Variants in FUBP3 observed in about 807,000 individuals in gnomAD.
FUBP3 encodes far upstream element binding protein 3.
Under a neutral mutation model 85.6 loss-of-function variants are expected in FUBP3, and 28 were observed. The ratio of observed to expected loss-of-function variants is 0.33; its 90% CI spans 0.24 to 0.45. The LOEUF is 0.45. FUBP3 is among the 20% of genes least tolerant of loss of function. The pLI is 1.00. For synonymous variants in FUBP3, 271 were observed against 271.4 expected, an observed-to-expected ratio of 1.00 and a Z score of 0.01; for missense variants, 583 against 755.1, an observed-to-expected ratio of 0.77 and a Z score of 2.67.
At chr9:130,593,931 A>G (rs556696686) in intron 1 of FUBP3, among the ~76,000 whole-genome samples, 2 of 152,348 alleles carry the variant, frequency 1.3e-5, no homozygotes, top group South Asian at 4.1e-4. Context: ...GGAAATTTTT[A>G]ACAGCTATGT....
chr9:130,635,297 C>T lies in FUBP3; in HGVS notation c.1582+559C>T, dbSNP rs776300820. Among the ~76,000 whole-genome samples, 9 of 152,184 alleles carry T rather than the reference C, an allele frequency of 5.9e-5. No homozygotes were observed. Among genetic ancestry groups the T allele is most frequent in the Non-Finnish European group, 1.2e-4 (8 of 68,040 alleles). ...GAGGGACCCAACAAGCAAAAGGTCTCTGGGGAGTCACATAAAATCAGGACC... is the reference window on the plus strand; with the variant it reads ...GAGGGACCCAACAAGCAAAAGGTCTTTGGGGAGTCACATAAAATCAGGACC... On this transcript the variant is annotated intron_variant, in intron 17 of 18. Coordinates refer to ENST00000319725, the MANE Select transcript of FUBP3 (RefSeq NM_003934.2). The surrounding 1 kb of genome is among the most constrained non-coding windows in gnomAD (Gnocchi z 4.3).
At chr9:130,632,971 GT>G (rs755700541) in intron 16 of FUBP3, among the ~76,000 whole-genome samples, 168 of 152,352 alleles carry the variant, frequency 1.1e-3, no homozygotes, top group Non-Finnish European at 1.9e-3. Flanking sequence ...TCTGTCCTGT[GT>G]TTAGAAAGGC....
At position 130,635,335 on chromosome 9, in the gene FUBP3, T is replaced by A. The variant is rs1307787447; in HGVS notation, c.1582+597T>A. Among the ~76,000 whole-genome samples, 3 of 152,188 alleles carry A rather than the reference T, an allele frequency of 2.0e-5. No homozygotes were observed. Among genetic ancestry groups the A allele is most frequent in the African/African-American group, 7.2e-5 (3 of 41,434 alleles). ...TAAAATCAGGACCAGACTCTCGGGATATATCCCACGATTACTAGACCGGAG... is the reference window on the plus strand; with the variant it reads ...TAAAATCAGGACCAGACTCTCGGGAAATATCCCACGATTACTAGACCGGAG... On this transcript the variant is annotated intron_variant, in intron 17 of 18. Transcript: ENST00000319725. The surrounding 1 kb of genome is among the most constrained non-coding windows in gnomAD (Gnocchi z 4.3).
chr9:130,591,295 T>C (rs1161710394), intron 1 of FUBP3, among the ~76,000 whole-genome samples: 1 of 151,972 alleles, frequency 6.6e-6, no homozygotes, highest in African/African-American at 2.4e-5. Context: ...ATACAAAAAT[T>C]ATCCAGGCAT....
intron 2 of FUBP3, 107 bp from the exon 3 acceptor site, chr9:130,609,847 T>C (rs1177109674): frequency 6.0e-6 from 5 of 834,364 alleles, no homozygotes; most frequent in Admixed American, 3.8e-5. Flanking sequence ...TTGCTTTCTT[T>C]CTGCCTTTCT....
intron 1 of FUBP3, among the ~76,000 whole-genome samples, chr9:130,593,019 C>A (rs778625731): frequency 6.6e-6 from 1 of 151,948 alleles, no homozygotes; most frequent in Non-Finnish European, 1.5e-5. Flanking sequence ...AGATTGACTT[C>A]TTTTCCAGGC....
chr9:130,586,337 T>G (rs1395113840), intron 1 of FUBP3, among the ~76,000 whole-genome samples: 1 of 152,242 alleles, frequency 6.6e-6, no homozygotes, highest in Non-Finnish European at 1.5e-5. Flanking sequence ...GGTTTTATCT[T>G]ATTGCGGAAT....
chr9:130,630,712 A>T lies in FUBP3; in HGVS notation c.1202A>T (p.Asn401Ile). The stretch of plus-strand genomic sequence containing the variant: ...AACCCCCCTCCCAACAGCGACCCCA[A>T]CCTGCGGAGATTCACCATCAGGGGG... ...QRNPPPNSDPNLRRFTIRGVP... is the reference protein window; with the variant it reads ...QRNPPPNSDPILRRFTIRGVP... Residue 401 changes from asparagine (N) to isoleucine (I), a missense_variant, in exon 13 of 19, where the codon AAC (asparagine) becomes ATC (isoleucine). Physicochemically the swap from Asn to Ile is moderately radical, Grantham distance 149. Transcript: ENST00000319725. 6.3e-7 allele frequency: 1 copy of T among 1,588,906 alleles called. No individual in the cohort carries two copies. Among genetic ancestry groups the T allele is most frequent in the Non-Finnish European group, 8.6e-7 (1 of 1,169,280 alleles).
At chr9:130,606,666 C>T (rs1230646032) in intron 2 of FUBP3, among the ~76,000 whole-genome samples, 1 of 151,954 alleles carries the variant, frequency 6.6e-6, no homozygotes, top group Non-Finnish European at 1.5e-5. Flanking sequence ...ACTAAAAATA[C>T]AAAATTAGCC....
chr9:130,637,289 C>T lies in FUBP3; in HGVS notation c.*267C>T, dbSNP rs1184710942. The T allele has an allele frequency of 8.1e-6, 4 of 495,196 alleles. No homozygotes were observed. Among genetic ancestry groups the T allele is most frequent in the African/African-American group, 5.8e-5 (3 of 51,650 alleles). The allele number at this position is 495,196 out of a possible 1,614,324, so 30.7% of individuals were successfully genotyped here. ...GAGCAATACCTACAAAGTCAGGCAC[C>T]AGAATGTGCCTCAGAGCTGTGACAT... On this transcript the variant is annotated 3_prime_UTR_variant, in exon 19 of 19. Coordinates refer to ENST00000319725, the MANE Select transcript of FUBP3 (RefSeq NM_003934.2).
chr9:130,624,216 A>T (rs185709602), intron 11 of FUBP3, among the ~76,000 whole-genome samples: 72 of 152,344 alleles, frequency 4.7e-4, no homozygotes, highest in Non-Finnish European at 9.7e-4. Flanking sequence ...GAACGGAAGA[A>T]TAAAGCAAGA....
intron 12 of FUBP3, among the ~76,000 whole-genome samples, chr9:130,627,280 G>A (rs371816821): frequency 7.2e-5 from 11 of 152,364 alleles, no homozygotes; most frequent in South Asian, 2.1e-4. Context: ...GCCAGGCCTC[G>A]CTGCCAGCGG....
intron 2 of FUBP3, among the ~76,000 whole-genome samples, chr9:130,598,276 C>G (rs969358243): frequency 3.3e-5 from 5 of 152,182 alleles, no homozygotes; most frequent in African/African-American, 4.8e-5. Context: ...TTAGGTATTC[C>G]TTATGCAGAG....
chr9:130,585,510 C>T (rs1016465662), intron 1 of FUBP3, among the ~76,000 whole-genome samples: 1 of 152,176 alleles, frequency 6.6e-6, no homozygotes, highest in African/African-American at 2.4e-5. Flanking sequence ...AGCATTTGAT[C>T]TATAGGCTGT....
At chr9:130,633,810 C>T (rs1481465071) in intron 16 of FUBP3, among the ~76,000 whole-genome samples, 1 of 152,226 alleles carries the variant, frequency 6.6e-6, no homozygotes, top group African/African-American at 2.4e-5. Flanking sequence ...CCCCACGCTG[C>T]TCCTCAGTAT....
intron 9 of FUBP3, among the ~76,000 whole-genome samples, chr9:130,622,359 C>T (rs571875075): frequency 2.1e-5 from 3 of 142,892 alleles, no homozygotes; most frequent in African/African-American, 7.9e-5. Context: ...TGGCCAGACA[C>T]AGTGGCTCAC....
chr9:130,595,910 T>C (rs761370021), intron 2 of FUBP3, among the ~76,000 whole-genome samples: 1 of 152,208 alleles, frequency 6.6e-6, no homozygotes, highest in Non-Finnish European at 1.5e-5. Flanking sequence ...GGAATTGAAG[T>C]TCCCACTTTC....
intron 6 of FUBP3, among the ~76,000 whole-genome samples, chr9:130,615,011 C>T (rs544498147): frequency 5.3e-5 from 8 of 152,290 alleles, no homozygotes; most frequent in African/African-American, 1.9e-4. Flanking sequence ...TACGGAGCAG[C>T]ACTGCATTTG....
At chr9:130,617,664 A>G (rs1297217096) in intron 7 of FUBP3, 133 bp from the exon 8 acceptor site, 1 of 717,970 alleles carries the variant, frequency 1.4e-6, no homozygotes, top group South Asian at 1.5e-5. Context: ...TTCATGGCCC[A>G]GGTTGGAAGG....
Sources: allele counts gnomAD v4.1 joint callset (sites outside exome capture counted in the v4.1 genomes callset), GRCh38; gene constraint gnomAD v4.1.1; non-coding constraint Gnocchi (gnomAD v3.1); transcripts MANE v1.5; gene names NCBI Gene and HGNC (gene_info 2026-07-23, HGNC 2026-07-21).